NRG1: variants seen among roughly 807,000 people sequenced by gnomAD.
The protein encoded by NRG1 is neuregulin 1, also known as pro-neuregulin-1, membrane-bound isoform.
NRG1 carries 18 observed loss-of-function variants against 63.8 expected under a neutral mutation model. That is an observed-to-expected ratio of 0.28 (90% CI 0.19 to 0.42). The LOEUF (loss-of-function observed/expected upper bound fraction) is 0.42, where lower values mean the gene tolerates loss of function less well. Ranked by LOEUF, NRG1 falls within the 10% of genes least tolerant of loss-of-function variation. The pLI, the probability that NRG1 is intolerant of heterozygous loss-of-function variation, is 1.00. For missense variants in NRG1, 762 were observed against 814.7 expected (o/e 0.94, Z 0.79); for synonymous variants, 302 against 301.3 (o/e 1.00, Z -0.02).
intron 1 of NRG1, among the ~76,000 whole-genome samples, chr8:31,690,577 C>T (rs1011789103): frequency 2.6e-5 from 4 of 151,980 alleles, no homozygotes; most frequent in African/African-American, 4.8e-5. Flanking sequence ...GGAGGTGATC[C>T]GAGAGAGTGA....
At chr8:32,368,715 T>A (rs572883739) in intron 1 of NRG1, among the ~76,000 whole-genome samples, 1 of 152,350 alleles carries the variant, frequency 6.6e-6, no homozygotes, top group Non-Finnish European at 1.5e-5. Flanking sequence ...CTCATTCTTC[T>A]TTGCTCAACA....
intron 6 of NRG1, among the ~76,000 whole-genome samples, chr8:32,740,605 C>G (rs1564080682): frequency 6.6e-6 from 1 of 152,058 alleles, no homozygotes; most frequent in Non-Finnish European, 1.5e-5. Context: ...AAGGTGTTTC[C>G]AAGAGTTTGA....
chr8:31,652,385 T>C (rs1804941316), intron 1 of NRG1, among the ~76,000 whole-genome samples: 1 of 152,240 alleles, frequency 6.6e-6, no homozygotes, highest in African/African-American at 2.4e-5. Flanking sequence ...GTGGTCTTTC[T>C]AAAATAGAAT....
chr8:32,228,112 G>C (rs1045540007), intron 1 of NRG1, among the ~76,000 whole-genome samples: 3 of 151,924 alleles, frequency 2.0e-5, no homozygotes, highest in Non-Finnish European at 2.9e-5. Flanking sequence ...TTTATCCTTG[G>C]ATTTCTCCAT....
intron 1 of NRG1, among the ~76,000 whole-genome samples, chr8:32,364,007 C>CA (rs1807595174): frequency 7.4e-6 from 1 of 134,740 alleles, no homozygotes; most frequent in African/African-American, 2.8e-5. Context: ...TTTAAGAGAA[C>CA]AAAAAATGTA....
At chr8:32,510,813 G>A (rs1364438475) in intron 1 of NRG1, among the ~76,000 whole-genome samples, 1 of 152,016 alleles carries the variant, frequency 6.6e-6, no homozygotes, top group Admixed American at 6.6e-5. Flanking sequence ...GCCATACCCT[G>A]GGCCATACCC....
At chr8:32,176,132 A>G (rs1297369384) in intron 1 of NRG1, among the ~76,000 whole-genome samples, 1 of 152,238 alleles carries the variant, frequency 6.6e-6, no homozygotes. Context: ...AAACAGAGAT[A>G]TAGACCAATG....
chr8:32,380,143 T>C (rs1810157979), intron 1 of NRG1, among the ~76,000 whole-genome samples: 1 of 152,134 alleles, frequency 6.6e-6, no homozygotes, highest in Non-Finnish European at 1.5e-5. Context: ...TCTGTTCTTA[T>C]TTTATTATGT....
intron 1 of NRG1, among the ~76,000 whole-genome samples, chr8:32,156,294 A>T (rs1464931081): frequency 2.6e-5 from 4 of 152,208 alleles, no homozygotes; most frequent in African/African-American, 9.6e-5. Flanking sequence ...TTCTCAGAGC[A>T]GCCTTCTCAG....
intron 1 of NRG1, among the ~76,000 whole-genome samples, chr8:31,704,381 A>G (rs1487205123): frequency 2.6e-5 from 4 of 152,198 alleles, no homozygotes; most frequent in Admixed American, 6.5e-5. Flanking sequence ...TTTCTACTAG[A>G]CAGTTAAGGT....
Position 31,667,799 on chromosome 8 carries a change from A to G in NRG1, c.37+28368A>G, listed in dbSNP as rs1036370758. 2.6e-5 allele frequency among the ~76,000 whole-genome samples: 4 copies of G among 152,204 alleles called. No homozygotes were observed. The East Asian group carries it at 7.7e-4, about 29-fold the overall frequency. ...CTTTAATTGAAAAGTAGAAAAGCAG[A>G]AAGAAAGAGTATCCTAAAATTAAGC... On this transcript the variant is annotated intron_variant, in intron 1 of 10. Coordinates refer to the NRG1 transcript ENST00000519301.
intron 1 of NRG1, among the ~76,000 whole-genome samples, chr8:32,246,591 C>T (rs1848608444): frequency 6.6e-6 from 1 of 152,136 alleles, no homozygotes. Flanking sequence ...GGAAGCACCA[C>T]AAAGCAAAAT....
chr8:31,752,098 A>G (rs1024879188), intron 1 of NRG1, among the ~76,000 whole-genome samples: 1 of 152,054 alleles, frequency 6.6e-6, no homozygotes, highest in Admixed American at 6.6e-5. Flanking sequence ...GAGAACTACA[A>G]CAGTTATTAG....
intron 1 of NRG1, among the ~76,000 whole-genome samples, chr8:32,542,121 A>C (rs1051006500): frequency 6.6e-6 from 1 of 152,194 alleles, no homozygotes; most frequent in Non-Finnish European, 1.5e-5. Flanking sequence ...CAAGAATCCA[A>C]GGGAGGAAAT....
intron 1 of NRG1, among the ~76,000 whole-genome samples, chr8:32,272,949 A>T (rs974069079): frequency 3.9e-5 from 6 of 152,216 alleles, no homozygotes; most frequent in Non-Finnish European, 7.3e-5. Context: ...AAGCATATTT[A>T]TTGAAGTTCA....
intron 1 of NRG1, among the ~76,000 whole-genome samples, chr8:32,240,319 A>G (rs1036054445): frequency 6.6e-6 from 1 of 152,164 alleles, no homozygotes; most frequent in Non-Finnish European, 1.5e-5. Flanking sequence ...ATTTCATGTG[A>G]TGTGATTTTA....
chr8:32,462,665 G>A (rs997269121), intron 1 of NRG1, among the ~76,000 whole-genome samples: 6 of 134,656 alleles, frequency 4.5e-5, no homozygotes, highest in South Asian at 2.5e-4. Flanking sequence ...GTTCAGTGGC[G>A]CAATCTCGGC....
At chr8:31,925,132 A>ATG (rs201332851) in intron 1 of NRG1, among the ~76,000 whole-genome samples, 177 of 149,138 alleles carry the variant, frequency 1.2e-3, no homozygotes, top group African/African-American at 3.6e-3. Flanking sequence ...TGACATATAT[A>ATG]TGTGTGTGTG....
intron 1 of NRG1, among the ~76,000 whole-genome samples, chr8:32,038,115 C>A (rs529431390): frequency 6.6e-6 from 1 of 152,370 alleles, no homozygotes; most frequent in South Asian, 2.1e-4. Flanking sequence ...GTTTTGGACC[C>A]AAGGCCCTTG....
Sources: allele counts gnomAD v4.1 joint callset (sites outside exome capture counted in the v4.1 genomes callset), GRCh38; gene constraint gnomAD v4.1.1; transcripts MANE v1.5; gene names NCBI Gene and HGNC (gene_info 2026-07-23, HGNC 2026-07-21).